Variants in FGF10 observed in about 807,000 individuals in gnomAD.
The protein encoded by FGF10 is fibroblast growth factor 10, also known as FGF-10.
FGF10 carries 2 observed loss-of-function variants against 19.8 expected under a neutral mutation model. The observed-to-expected ratio is 0.10, with a 90% CI of 0.04 to 0.32. The LOEUF (loss-of-function observed/expected upper bound fraction) is 0.32, where lower values mean the gene tolerates loss of function less well. FGF10 is among the 10% of genes least tolerant of loss of function. The pLI, the probability that FGF10 is intolerant of heterozygous loss-of-function variation, is 1.00. For synonymous variants in FGF10, 112 were observed against 94.0 expected, an observed-to-expected ratio of 1.19 and a Z score of -1.10; for missense variants, 191 against 246.3, an observed-to-expected ratio of 0.78 and a Z score of 1.50.
intron 1 of FGF10, among the ~76,000 whole-genome samples, chr5:44,351,320 C>T (rs898238650): frequency 6.6e-6 from 1 of 151,448 alleles, no homozygotes; most frequent in African/African-American, 2.4e-5. Flanking sequence ...GATAGATAGA[C>T]ACATAATTGG....
At chr5:44,340,959 G>A (rs1158834956) in intron 1 of FGF10, among the ~76,000 whole-genome samples, 2 of 151,908 alleles carry the variant, frequency 1.3e-5, no homozygotes, top group Non-Finnish European at 2.9e-5. Context: ...AAATTAACAT[G>A]AGAACCACCC....
Position 44,388,698 on chromosome 5 carries a change from G to A in FGF10, c.-16C>T. On this transcript the variant is annotated 5_prime_UTR_variant, in exon 1 of 3. Coordinates refer to ENST00000264664, the MANE Select transcript of FGF10 (RefSeq NM_004465.2). ...ATTTCCACATTGTACTGAAACTCTC[G>A]GCACTGGAAATTGTCTCATCAGAAG... 1.2e-6 allele frequency: 2 copies of A among 1,613,412 alleles called. No homozygotes were observed. Among genetic ancestry groups the A allele is most frequent in the South Asian group, 1.1e-5 (1 of 91,012 alleles).
chr5:44,331,225 T>G (rs1305544955), intron 1 of FGF10, among the ~76,000 whole-genome samples: 2 of 152,178 alleles, frequency 1.3e-5, no homozygotes, highest in East Asian at 1.9e-4. Flanking sequence ...AAAATTTTTG[T>G]GCACTTATTT....
chr5:44,346,812 A>G (rs1413375182), intron 1 of FGF10, among the ~76,000 whole-genome samples: 1 of 151,870 alleles, frequency 6.6e-6, no homozygotes, highest in East Asian at 1.9e-4. Context: ...ATGACTAATA[A>G]TATTGAGAAA....
intron 1 of FGF10, among the ~76,000 whole-genome samples, chr5:44,381,853 T>C (rs1014747929): frequency 9.2e-5 from 14 of 152,302 alleles, no homozygotes; most frequent in Admixed American, 7.8e-4. Flanking sequence ...TATTCAGAAT[T>C]AGGTTCTAGT....
intron 1 of FGF10, among the ~76,000 whole-genome samples, chr5:44,353,173 T>A (rs1741273092): frequency 1.3e-5 from 2 of 151,604 alleles, no homozygotes; most frequent in South Asian, 4.1e-4. Flanking sequence ...TCTTCTTAGT[T>A]AATATTAGAT....
intron 1 of FGF10, among the ~76,000 whole-genome samples, chr5:44,328,583 C>A (rs1740664337): frequency 6.6e-6 from 1 of 152,068 alleles, no homozygotes; most frequent in Non-Finnish European, 1.5e-5. Context: ...CATAGTGAGA[C>A]CGCGTCACTA....
chr5:44,306,974 T>C (rs1055923288), intron 2 of FGF10, among the ~76,000 whole-genome samples: 5 of 152,204 alleles, frequency 3.3e-5, no homozygotes, highest in African/African-American at 1.2e-4. Context: ...AGCAGAGTAA[T>C]TTTTAAAATA....
chr5:44,322,725 G>T (rs1383753626), intron 1 of FGF10, among the ~76,000 whole-genome samples: 3 of 151,506 alleles, frequency 2.0e-5, no homozygotes, highest in Non-Finnish European at 4.4e-5. Context: ...GTGAAGCAGG[G>T]TTTTCTGCAG....
At chr5:44,331,324 T>C (rs558351312) in intron 1 of FGF10, among the ~76,000 whole-genome samples, 1 of 152,148 alleles carries the variant, frequency 6.6e-6, no homozygotes, top group African/African-American at 2.4e-5. Flanking sequence ...TTCAGTCTCT[T>C]TCTTAGAAAC....
intron 1 of FGF10, among the ~76,000 whole-genome samples, chr5:44,337,436 A>C (rs980657238): frequency 1.3e-5 from 2 of 152,204 alleles, no homozygotes; most frequent in African/African-American, 4.8e-5. Context: ...ACATTAAACA[A>C]AAATTAGAAA....
intron 1 of FGF10, among the ~76,000 whole-genome samples, chr5:44,372,316 C>T (rs1359383552): frequency 6.6e-6 from 1 of 152,156 alleles, no homozygotes; most frequent in African/African-American, 2.4e-5. Context: ...ATCCTCAAAT[C>T]ATCTTCTGCC....
intron 1 of FGF10, among the ~76,000 whole-genome samples, chr5:44,322,243 C>T (rs1740510963): frequency 6.6e-6 from 1 of 152,152 alleles, no homozygotes; most frequent in Admixed American, 6.6e-5. Flanking sequence ...TCAACCTAGT[C>T]AACAAACTCA....
chr5:44,363,282 T>A (rs966466987), intron 1 of FGF10, among the ~76,000 whole-genome samples: 1 of 151,760 alleles, frequency 6.6e-6, no homozygotes, highest in Admixed American at 6.6e-5. Flanking sequence ...CACTGGTAAA[T>A]CTCAATTAAA....
chr5:44,310,314 C>G, intron 2 of FGF10, 113 bp downstream of exon 2: 1 of 735,208 alleles, frequency 1.4e-6, no homozygotes, highest in Non-Finnish European at 2.4e-6. Context: ...CACTGTGGCT[C>G]TATTTACTAG....
chr5:44,385,677 G>C (rs1413531646), intron 1 of FGF10, among the ~76,000 whole-genome samples: 4 of 152,162 alleles, frequency 2.6e-5, no homozygotes, highest in African/African-American at 9.7e-5. Flanking sequence ...TCAGAGGTTA[G>C]AGATCCTAGT....
At chr5:44,366,289 T>A (rs1398021052) in intron 1 of FGF10, among the ~76,000 whole-genome samples, 1 of 151,872 alleles carries the variant, frequency 6.6e-6, no homozygotes, top group Non-Finnish European at 1.5e-5. Context: ...TGGTGAAAGG[T>A]GGGCAAGGAT....
chr5:44,329,154 G>A (rs1740676205), intron 1 of FGF10, among the ~76,000 whole-genome samples: 1 of 152,046 alleles, frequency 6.6e-6, no homozygotes, highest in Admixed American at 6.6e-5. Context: ...ATTCCTTTTG[G>A]TTTTACCAAG....
rs140258573 is a variant in FGF10 at position 44,364,569 on chromosome 5, A to G, written c.325+23789T>C. Reference sequence around the variant, plus strand: ...CCTGGTTCGAAATAGTGCTGTGGCTAACAAATCTTTATTTAAGATTAATAT... The same window carrying G: ...CCTGGTTCGAAATAGTGCTGTGGCTGACAAATCTTTATTTAAGATTAATAT... On this transcript the variant is annotated intron_variant, in intron 1 of 2. Coordinates refer to ENST00000264664, the MANE Select transcript of FGF10 (RefSeq NM_004465.2). 1.6e-3 allele frequency among the ~76,000 whole-genome samples: 250 copies of G among 151,990 alleles called. 1 individual carries two copies. The highest frequency in any genetic ancestry group is 5.7e-3 in the African/African-American group (236 of 41,518).
Sources: gnomAD v4.1 joint callset for allele counts (sites outside exome capture counted in the v4.1 genomes callset) on GRCh38, gnomAD v4.1.1 for gene constraint, MANE v1.5 for transcripts, NCBI Gene and HGNC (gene_info 2026-07-23, HGNC 2026-07-21) for gene names.